The following TEAD4 variants were observed in gnomAD, a reference collection of about 807,000 sequenced individuals.
The protein encoded by TEAD4 is TEA domain transcription factor 4, also known as transcriptional enhancer factor TEF-3.
A neutral mutation model predicts 52.4 loss-of-function variants in TEAD4; 36 were observed. That is an observed-to-expected ratio of 0.69 (90% CI 0.53 to 0.91). TEAD4 has a LOEUF of 0.91. TEAD4 is among the 40% of genes least tolerant of loss of function. The probability of loss-of-function intolerance (pLI) is 0.00; values close to 1 mark genes in which losing one functional copy is unlikely to be tolerated. For synonymous variants in TEAD4, 220 were observed against 231.0 expected (o/e 0.95, Z 0.43); for missense variants, 508 against 583.9 (o/e 0.87, Z 1.34).
intron 7 of TEAD4, among the ~76,000 whole-genome samples, 194 bp downstream of exon 7, chr12:3,018,782 C>T (rs1023813296): frequency 5.3e-5 from 8 of 152,112 alleles, no homozygotes; most frequent in Non-Finnish European, 1.0e-4. Flanking sequence ...GATGTCTACA[C>T]CCTAGGGTGG....
At chr12:2,972,793 G>A (rs1363441558) in intron 2 of TEAD4, among the ~76,000 whole-genome samples, 3 of 152,030 alleles carry the variant, frequency 2.0e-5, no homozygotes, top group East Asian at 3.9e-4. Flanking sequence ...GAGCCACCGC[G>A]CCTGTAGAAA....
Position 3,020,895 on chromosome 12 carries a change from C to A in TEAD4, c.723+122C>A, listed in dbSNP as rs569079709. The A allele has an allele frequency of 6.2e-6, 7 of 1,125,364 alleles. No individual in the cohort carries two copies. In the African/African-American group the frequency reaches 8.1e-5, roughly 13 times the overall value. The allele number at this position is 1,125,364 out of a possible 1,614,324, so 69.7% of individuals were successfully genotyped here. On this transcript the variant is annotated intron_variant, in intron 9 of 12. Transcript: ENST00000359864. ...TTCAAGTTCCCTGTTCCTTTCCGAT[C>A]TTCCCTTCTGCCCTTCCCCCCACTC...
chr12:3,005,641 C>T (rs1321258947), intron 3 of TEAD4, among the ~76,000 whole-genome samples: 6 of 151,872 alleles, frequency 4.0e-5, no homozygotes, highest in African/African-American at 9.7e-5. Flanking sequence ...GGACTACAGG[C>T]GCCCGCCACC....
intron 3 of TEAD4, among the ~76,000 whole-genome samples, chr12:2,999,052 A>C (rs2098249536): frequency 6.6e-6 from 1 of 152,162 alleles, no homozygotes; most frequent in Non-Finnish European, 1.5e-5. Flanking sequence ...GGCAGTGCTG[A>C]CCAGCCCGGC....
At chr12:3,026,646 T>G (rs2098272309) in intron 10 of TEAD4, among the ~76,000 whole-genome samples, 1 of 152,202 alleles carries the variant, frequency 6.6e-6, no homozygotes, top group Non-Finnish European at 1.5e-5. Flanking sequence ...ACTTTTTTAG[T>G]TGGGTAAGTT....
rs1173483021 is a variant in TEAD4, at chr12:2,959,480, A to G, written c.-124A>G. 4 of 146,110 alleles carry G rather than the reference A, an allele frequency of 2.7e-5. No homozygotes were observed. Among genetic ancestry groups the G allele is most frequent in the Admixed American group, 6.8e-5 (1 of 14,668 alleles). The allele number at this position is 146,110 out of a possible 1,614,324, so 9.1% of individuals were successfully genotyped here. ...AGCTCCGGCGCCGCCGCGTCCCGCC[A>G]GGTGAGAGGCGCCCGCGCCCGCCGC... is the stretch of plus-strand genomic sequence containing the variant. On this transcript the variant is annotated splice_region_variant and 5_prime_UTR_variant, in exon 1 of 13. Transcript: ENST00000359864. The surrounding 1 kb of genome is among the most constrained non-coding windows in gnomAD (Gnocchi z 5.1).
chr12:2,992,846 C>T (rs1480508001), intron 2 of TEAD4, among the ~76,000 whole-genome samples: 1 of 152,130 alleles, frequency 6.6e-6, no homozygotes, highest in East Asian at 1.9e-4. Flanking sequence ...ATGTCCTGCT[C>T]CTTCACAAAC....
chr12:2,965,930 T>A (rs1201805411), intron 2 of TEAD4, among the ~76,000 whole-genome samples: 1 of 152,018 alleles, frequency 6.6e-6, no homozygotes, highest in Non-Finnish European at 1.5e-5. Context: ...GATGCGGTCA[T>A]GGCTTATGCA....
intron 3 of TEAD4, among the ~76,000 whole-genome samples, chr12:3,002,335 A>G (rs2098252380): frequency 6.6e-6 from 1 of 152,218 alleles, no homozygotes; most frequent in Non-Finnish European, 1.5e-5. Flanking sequence ...ACATTGGTGT[A>G]CAGGTATCTT....
rs1215887857 is a variant in TEAD4 at position 2,994,432 on chromosome 12, G to C, written c.-29-306G>C. 1.3e-5 allele frequency among the ~76,000 whole-genome samples: 2 copies of C among 152,134 alleles called. No homozygotes were observed. The highest frequency in any genetic ancestry group is 2.9e-5 in the Non-Finnish European group (2 of 68,014). On this transcript the variant is annotated intron_variant, in intron 2 of 12. Coordinates refer to ENST00000359864, the MANE Select transcript of TEAD4 (RefSeq NM_003213.4). The surrounding 1 kb of genome is among the most constrained non-coding windows in gnomAD (Gnocchi z 4.7). ...CAGGATTTTGCATGCTTTTTGCCCA[G>C]GGTCGATTTAATGTCAGTGCATCCC...
At chr12:3,036,956 C>T (rs1029679880) in intron 10 of TEAD4, among the ~76,000 whole-genome samples, 1 of 152,084 alleles carries the variant, frequency 6.6e-6, no homozygotes, top group African/African-American at 2.4e-5. Context: ...TGGTGTTGGG[C>T]AAGGCTAACA....
At chr12:2,997,045 G>A (rs2098247817) in intron 3 of TEAD4, among the ~76,000 whole-genome samples, 1 of 152,192 alleles carries the variant, frequency 6.6e-6, no homozygotes, top group African/African-American at 2.4e-5. Context: ...AATGTCTGGA[G>A]GGTAGGTAGT....
intron 2 of TEAD4, among the ~76,000 whole-genome samples, chr12:2,967,236 G>A (rs1017599152): frequency 4.6e-5 from 7 of 152,014 alleles, no homozygotes; most frequent in Non-Finnish European, 8.8e-5. Flanking sequence ...CTGGTATTTC[G>A]GTGAATGTCC....
At chr12:2,993,128 A>G (rs2098244473) in intron 2 of TEAD4, among the ~76,000 whole-genome samples, 3 of 152,210 alleles carry the variant, frequency 2.0e-5, no homozygotes. Context: ...AAAGACCACA[A>G]AATGTACCAT....
intron 2 of TEAD4, among the ~76,000 whole-genome samples, chr12:2,967,016 G>C (rs193286250): frequency 6.6e-6 from 1 of 152,110 alleles, no homozygotes; most frequent in African/African-American, 2.4e-5. Flanking sequence ...CCTGTTTCTC[G>C]TTTTTATGGG....
chr12:3,018,842 G>T (rs2098266515), intron 7 of TEAD4, among the ~76,000 whole-genome samples: 1 of 152,158 alleles, frequency 6.6e-6, no homozygotes, highest in African/African-American at 2.4e-5. Context: ...GCCAGAGCTG[G>T]GGTCCCCCAG....
At chr12:3,014,705 G>A (rs547518550) in intron 5 of TEAD4, among the ~76,000 whole-genome samples, 7 of 152,274 alleles carry the variant, frequency 4.6e-5, no homozygotes, top group Admixed American at 6.5e-5. Flanking sequence ...TCCCGGCCCC[G>A]GTTAGTGGCT....
chr12:2,981,609 C>G (rs771561951), intron 2 of TEAD4, among the ~76,000 whole-genome samples: 3 of 152,196 alleles, frequency 2.0e-5, no homozygotes, highest in African/African-American at 4.8e-5. Flanking sequence ...AGTCTGAGCC[C>G]CATGAAGGTC....
At chr12:2,962,681 G>A (rs1472322313) in intron 2 of TEAD4, among the ~76,000 whole-genome samples, 1 of 152,094 alleles carries the variant, frequency 6.6e-6, no homozygotes, top group Admixed American at 6.6e-5. Flanking sequence ...TGTTTGCCAT[G>A]CTGGTCTTGA....
Sources: gnomAD v4.1 joint callset for allele counts (sites outside exome capture counted in the v4.1 genomes callset) on GRCh38, gnomAD v4.1.1 for gene constraint, Gnocchi (gnomAD v3.1) non-coding constraint, MANE v1.5 for transcripts, NCBI Gene and HGNC (gene_info 2026-07-23, HGNC 2026-07-21) for gene names.